The following SLC14A2 variants were observed in gnomAD, a reference collection of about 807,000 sequenced individuals.
The protein encoded by SLC14A2 is solute carrier family 14 member 2, also known as urea transporter 2.
In SLC14A2, 91 loss-of-function variants were observed where a neutral mutation model predicts 104.6. The ratio of observed to expected loss-of-function variants is 0.87; its 90% CI spans 0.73 to 1.04. The LOEUF is 1.04. Ranked by LOEUF, SLC14A2 falls within the 50% of genes least tolerant of loss-of-function variation. The pLI is 0.00. For synonymous variants in SLC14A2, 476 were observed against 466.4 expected (o/e 1.02, Z -0.27); for missense variants, 1,189 against 1,156.0 (o/e 1.03, Z -0.41).
intron 1 of SLC14A2, among the ~76,000 whole-genome samples, chr18:45,470,121 A>T (rs193158184): frequency 1.0e-3 from 152 of 152,348 alleles, no homozygotes; most frequent in African/African-American, 3.5e-3. Context: ...TTAGCTTAAT[A>T]AAAGCTGTTG....
chr18:45,589,185 T>C (rs2044612574), intron 2 of SLC14A2, among the ~76,000 whole-genome samples: 1 of 152,062 alleles, frequency 6.6e-6, no homozygotes, highest in Non-Finnish European at 1.5e-5. Flanking sequence ...GTGCTTCCAA[T>C]TAAGCCTGTT....
chr18:45,470,745 G>A (rs149867061), intron 1 of SLC14A2, among the ~76,000 whole-genome samples: 1,616 of 151,952 alleles, frequency 0.011, 19 homozygotes, highest in African/African-American at 0.025. Flanking sequence ...TACTCTTACC[G>A]AATTTTAATT....
intron 1 of SLC14A2, among the ~76,000 whole-genome samples, chr18:45,315,206 T>C (rs981127459): frequency 2.0e-5 from 3 of 151,992 alleles, no homozygotes; most frequent in Non-Finnish European, 4.4e-5. Flanking sequence ...GTTGAATCAT[T>C]GGAGTAGTGG....
intron 1 of SLC14A2, among the ~76,000 whole-genome samples, chr18:45,468,155 G>C (rs758293419): frequency 3.3e-5 from 5 of 152,100 alleles, no homozygotes; most frequent in Non-Finnish European, 2.9e-5. Flanking sequence ...TAAGAAACAA[G>C]AACAATTTGA....
intron 11 of SLC14A2, among the ~76,000 whole-genome samples, chr18:45,665,058 T>C (rs1054920294): frequency 7.2e-5 from 11 of 152,170 alleles, no homozygotes; most frequent in Non-Finnish European, 1.6e-4. Context: ...TTCTGCTTCC[T>C]ACTCTTCCTT....
At position 45,397,418 on chromosome 18, in the gene SLC14A2, T is replaced by C. The variant is rs140849686; in HGVS notation, c.-124-85815T>C. ...CTTGCATTTGTCTAATGCTCAGTGATGTTGAACTTTCTTTTCATATGTTTG... is the reference window on the plus strand; with the variant it reads ...CTTGCATTTGTCTAATGCTCAGTGACGTTGAACTTTCTTTTCATATGTTTG... On this transcript the variant is annotated intron_variant, in intron 1 of 20. Coordinates refer to the SLC14A2 transcript ENST00000586448. 5.6e-3 allele frequency among the ~76,000 whole-genome samples: 860 copies of C among 152,354 alleles called. 11 individuals carry two copies. The highest frequency in any genetic ancestry group is 0.019 in the African/African-American group (803 of 41,590).
At chr18:45,457,950 A>G (rs2086973770) in intron 1 of SLC14A2, among the ~76,000 whole-genome samples, 1 of 152,116 alleles carries the variant, frequency 6.6e-6, no homozygotes, top group Non-Finnish European at 1.5e-5. Flanking sequence ...ATCAGGGAGG[A>G]AAGTTGCCGG....
At chr18:45,248,698 C>A (rs768681399) in intron 1 of SLC14A2, among the ~76,000 whole-genome samples, 5 of 152,152 alleles carry the variant, frequency 3.3e-5, no homozygotes, top group Non-Finnish European at 7.4e-5. Flanking sequence ...CAAGTTCCAC[C>A]CTGGCCAATT....
At chr18:45,632,592 A>G (rs1053227674) in intron 5 of SLC14A2, 114 bp downstream of exon 5, 39 of 1,170,974 alleles carry the variant, frequency 3.3e-5, no homozygotes, top group Non-Finnish European at 4.6e-5. Context: ...TTCATAGCCA[A>G]GTTAGCTTGT....
At chr18:45,335,988 C>T (rs542402606) in intron 1 of SLC14A2, among the ~76,000 whole-genome samples, 1 of 152,282 alleles carries the variant, frequency 6.6e-6, no homozygotes, top group South Asian at 2.1e-4. Flanking sequence ...TGTGTTTTGG[C>T]CTCCTTCTCG....
chr18:45,611,599 T>A (rs775366053), upstream of SLC14A2, among the ~76,000 whole-genome samples: 1 of 152,124 alleles, frequency 6.6e-6, no homozygotes, highest in African/African-American at 2.4e-5. Context: ...TTAAGCTACA[T>A]AAGGCCCAGC....
rs147692081 is a variant in SLC14A2 at position 45,617,716 on chromosome 18, G to C, written c.-35+2134G>C. 6.6e-4 allele frequency among the ~76,000 whole-genome samples: 101 copies of C among 152,066 alleles called. 1 individual carries two copies. Among genetic ancestry groups the C allele is most frequent in the Non-Finnish European group, 1.2e-3 (80 of 67,978 alleles). The stretch of plus-strand genomic sequence containing the variant: ...CAGGGGCCTCATCTGTCCCCATTCT[G>C]GCAGCCTGACCAAACATCCACCTAG... On this transcript the variant is annotated intron_variant, in intron 1 of 19. Coordinates refer to ENST00000255226, the MANE Select transcript of SLC14A2 (RefSeq NM_007163.4).
chr18:45,281,070 C>T (rs373461121), intron 1 of SLC14A2, among the ~76,000 whole-genome samples: 2 of 152,156 alleles, frequency 1.3e-5, no homozygotes, highest in South Asian at 2.1e-4. Flanking sequence ...ACAGTCATTC[C>T]GTGTCTGTCA....
Position 45,682,299 on chromosome 18 carries a change from T to A in SLC14A2, c.2563-20T>A, listed in dbSNP as rs1359054137. 1 of 1,612,452 alleles carries A rather than the reference T, an allele frequency of 6.2e-7. No individual in the cohort carries two copies. The highest frequency in any genetic ancestry group is 2.2e-5 in the East Asian group (1 of 44,872). On this transcript the variant is annotated intron_variant, in intron 19 of 19. Transcript: ENST00000255226. ...AGGCACCTGATGTGACCAAGGCTTA[T>A]CTGTGTTCTTTCTCTCCAGTTTGGA...
At chr18:45,336,429 G>A (rs1160484340) in intron 1 of SLC14A2, among the ~76,000 whole-genome samples, 2 of 152,068 alleles carry the variant, frequency 1.3e-5, no homozygotes, top group Non-Finnish European at 2.9e-5. Flanking sequence ...GGCTGGGCCA[G>A]GTGATCTCGG....
chr18:45,577,308 T>C (rs2044430332), intron 2 of SLC14A2, among the ~76,000 whole-genome samples: 2 of 150,330 alleles, frequency 1.3e-5, no homozygotes, highest in South Asian at 2.1e-4. Context: ...AGCTACAAGA[T>C]AGCTCCAGGA....
intron 2 of SLC14A2, among the ~76,000 whole-genome samples, chr18:45,499,054 C>T (rs1427102324): frequency 1.3e-5 from 2 of 152,190 alleles, no homozygotes; most frequent in Non-Finnish European, 2.9e-5. Flanking sequence ...CCTTGGTCTT[C>T]TCTAAAGCCT....
intron 1 of SLC14A2, among the ~76,000 whole-genome samples, chr18:45,329,742 C>A (rs562257343): frequency 1.3e-5 from 2 of 152,242 alleles, no homozygotes; most frequent in East Asian, 1.9e-4. Flanking sequence ...CAGCACAGTG[C>A]TTGACCAGAA....
intron 2 of SLC14A2, among the ~76,000 whole-genome samples, chr18:45,592,473 C>T (rs578010323): frequency 1.2e-3 from 190 of 152,330 alleles, no homozygotes; most frequent in Middle Eastern, 3.4e-3. Flanking sequence ...GCGCCCCATT[C>T]CCAGTCCCAT....
Sources: gnomAD v4.1 joint callset for allele counts (sites outside exome capture counted in the v4.1 genomes callset) on GRCh38, gnomAD v4.1.1 for gene constraint, MANE v1.5 for transcripts, NCBI Gene and HGNC (gene_info 2026-07-23, HGNC 2026-07-21) for gene names.